The following ANK2 variants were observed in gnomAD, a reference collection of about 807,000 sequenced individuals.
ANK2 encodes the protein ankyrin 2.
In ANK2, 83 loss-of-function variants were observed where a neutral mutation model predicts 360.5. The ratio of observed to expected loss-of-function variants is 0.23; its 90% CI spans 0.19 to 0.28. The LOEUF is 0.28. Ranked by LOEUF, ANK2 falls within the 10% of genes least tolerant of loss-of-function variation. The pLI, the probability that ANK2 is intolerant of heterozygous loss-of-function variation, is 1.00. For missense variants in ANK2, 4,201 were observed against 4,795.7 expected (o/e 0.88, Z 3.66); for synonymous variants, 1,740 against 1,759.5 (o/e 0.99, Z 0.28).
At chr4:113,107,170 A>G (rs1004765597) in intron 1 of ANK2, among the ~76,000 whole-genome samples, 2 of 152,174 alleles carry the variant, frequency 1.3e-5, no homozygotes, top group Non-Finnish European at 2.9e-5. Context: ...TCAAGCACAC[A>G]TGCTCACTGA....
chr4:112,789,865 C>A, the ANK2 span, among the ~76,000 whole-genome samples: 1 of 152,134 alleles, frequency 6.6e-6, no homozygotes, highest in Non-Finnish European at 1.5e-5. Flanking sequence ...TGAAACTAAA[C>A]CAAAACGAAA....
At chr4:113,247,853 C>T (rs971342513) in intron 9 of ANK2, among the ~76,000 whole-genome samples, 1 of 152,160 alleles carries the variant, frequency 6.6e-6, no homozygotes, top group African/African-American at 2.4e-5. Context: ...ACCAAGAATA[C>T]GTTTGAGAAA....
chr4:113,091,757 T>C (rs652411), intron 1 of ANK2, among the ~76,000 whole-genome samples: 4,175 of 152,320 alleles, frequency 0.027, 135 homozygotes, highest in East Asian at 0.1. Context: ...TTCTAGGAAT[T>C]TGTTTAAAGA....
At chr4:113,351,567 C>T (rs1465392228) in intron 37 of ANK2, among the ~76,000 whole-genome samples, 1 of 151,878 alleles carries the variant, frequency 6.6e-6, no homozygotes, top group African/African-American at 2.4e-5. Context: ...ATCACATTGC[C>T]CTCACTGATT....
chr4:112,885,188 T>C (rs1053268315), intron 1 of ANK2, among the ~76,000 whole-genome samples: 1 of 152,222 alleles, frequency 6.6e-6, no homozygotes, highest in Non-Finnish European at 1.5e-5. Context: ...GTAATCACGC[T>C]CAACTCTTTA....
chr4:112,930,505 C>T (rs1047055437), intron 2 of ANK2, among the ~76,000 whole-genome samples: 1 of 151,142 alleles, frequency 6.6e-6, no homozygotes, highest in Non-Finnish European at 1.5e-5. Flanking sequence ...GCTACCTCTA[C>T]CCAGGCAGGG....
chr4:112,906,051 T>A (rs1171961885), intron 2 of ANK2, among the ~76,000 whole-genome samples: 5 of 152,214 alleles, frequency 3.3e-5, no homozygotes, highest in Non-Finnish European at 5.9e-5. Context: ...ACATTTTGCT[T>A]CATTTGAGAC....
chr4:113,211,142 A>G (rs2099016575), intron 4 of ANK2, among the ~76,000 whole-genome samples: 1 of 152,320 alleles, frequency 6.6e-6, no homozygotes. Context: ...AACTGTATCA[A>G]GATAGTCAGA....
chr4:113,244,496 C>T (rs955675299), intron 9 of ANK2, among the ~76,000 whole-genome samples: 2 of 152,120 alleles, frequency 1.3e-5, no homozygotes, highest in Non-Finnish European at 2.9e-5. Context: ...TTAGAGCTAG[C>T]AACTTGGTAT....
chr4:112,819,009 G>T (rs73842998), intron 1 of ANK2, among the ~76,000 whole-genome samples: 1 of 151,896 alleles, frequency 6.6e-6, no homozygotes, highest in Admixed American at 6.6e-5. Context: ...TCTTTGGCTT[G>T]GTTTTTATTT....
At chr4:113,103,286 C>A (rs1386277547) in intron 1 of ANK2, among the ~76,000 whole-genome samples, 1 of 152,018 alleles carries the variant, frequency 6.6e-6, no homozygotes, top group Non-Finnish European at 1.5e-5. Flanking sequence ...AACGTTTCAT[C>A]CTCTTTCACT....
chr4:113,199,830 G>T (rs376062038), intron 4 of ANK2, among the ~76,000 whole-genome samples: 1 of 152,028 alleles, frequency 6.6e-6, no homozygotes, highest in Non-Finnish European at 1.5e-5. Flanking sequence ...ACTATATCAT[G>T]GAGGATATTA....
chr4:112,772,201 G>C, the ANK2 span, among the ~76,000 whole-genome samples: 27 of 152,292 alleles, frequency 1.8e-4, no homozygotes, highest in East Asian at 4.8e-3. Context: ...CCTCATGGCT[G>C]GGAAGGCCTC....
At position 113,358,402 on chromosome 4, in the gene ANK2, A is replaced by G. The variant is rs1283782799; in HGVS notation, c.9784A>G (p.Thr3262Ala). 6.2e-7 allele frequency: 1 copy of G among 1,614,050 alleles called. No homozygotes were observed. The highest frequency in any genetic ancestry group is 1.1e-5 in the South Asian group (1 of 91,074). The change falls in exon 38 of 46, where the codon ACC becomes GCC. Residue 3262 changes from threonine to alanine, a missense_variant. By Grantham distance (58) the Thr-to-Ala change is moderately conservative. Transcript: ENST00000357077. ...VQVQLDFSTL[T>A]RSVYSDRGDD... ...AGTCCAGTTAGATTTTTCCACACTCACCAGGTCTGTTTATTCAGATAGGGG... is the reference window on the plus strand; with the variant it reads ...AGTCCAGTTAGATTTTTCCACACTCGCCAGGTCTGTTTATTCAGATAGGGG...
At chr4:112,793,021 C>T in the ANK2 span, among the ~76,000 whole-genome samples, 1 of 152,008 alleles carries the variant, frequency 6.6e-6, no homozygotes, top group African/African-American at 2.4e-5. Flanking sequence ...CTTACAATTC[C>T]TTTCGATCCA....
At position 113,369,513 on chromosome 4, in the gene ANK2, G is replaced by A. The variant is rs2154065735; in HGVS notation, c.11319-1G>A. ...AGTCTCATTTGGCTTTTTGATTCCA[G>A]TGTGACAACTCCAGGAACAGAAACA... On this transcript the variant is annotated splice_acceptor_variant, in intron 42 of 45. Transcript: ENST00000357077. LOFTEE classifies it high-confidence loss of function. 6.2e-7 allele frequency: 1 copy of A among 1,613,612 alleles called. No individual in the cohort carries two copies.
rs190548489 is a variant in ANK2, at chr4:113,342,514, A to T, written c.4123-503A>T. On this transcript the variant is annotated intron_variant, in intron 33 of 45. Transcript: ENST00000357077. Reference sequence around the variant, plus strand: ...TCACCAGTTCGAGACCAACCTGGCCAACATGGCAAAACCCTATCTCTACTA... The same window carrying T: ...TCACCAGTTCGAGACCAACCTGGCCTACATGGCAAAACCCTATCTCTACTA... 1.2e-4 allele frequency among the ~76,000 whole-genome samples: 18 copies of T among 152,268 alleles called. No individual in the cohort carries two copies. In the East Asian group the frequency reaches 3.5e-3, roughly 29 times the overall value.
chr4:112,977,647 G>A (rs539759973), intron 2 of ANK2, among the ~76,000 whole-genome samples: 72 of 151,856 alleles, frequency 4.7e-4, no homozygotes, highest in African/African-American at 1.7e-3. Context: ...CACGTCCATG[G>A]TGGTTTGCTG....
At chr4:113,048,248 G>GTATATATATATATATATATATATATATA (rs869196489), upstream of ANK2, among the ~76,000 whole-genome samples, 1 of 36,250 alleles carries the variant, frequency 2.8e-5, no homozygotes, top group Non-Finnish European at 5.3e-5. Flanking sequence ...CTACAAGTGT[G>GTATATATATATATATATATATATATATA]TATATATATA....
Sources: gnomAD v4.1 joint callset for allele counts (sites outside exome capture counted in the v4.1 genomes callset) on GRCh38, gnomAD v4.1.1 for gene constraint, MANE v1.5 for transcripts, NCBI Gene and HGNC (gene_info 2026-07-23, HGNC 2026-07-21) for gene names.